Variants in FOCAD observed in about 807,000 individuals in gnomAD.
The protein encoded by FOCAD is focadhesin.
In FOCAD, 198 loss-of-function variants were observed where a neutral mutation model predicts 225.6. The ratio of observed to expected loss-of-function variants is 0.88; its 90% CI spans 0.78 to 0.99. The LOEUF is 0.99. FOCAD is among the 50% of genes least tolerant of loss of function. The pLI, the probability that FOCAD is intolerant of heterozygous loss-of-function variation, is 0.00. For synonymous variants in FOCAD, 897 were observed against 755.0 expected (o/e 1.19, Z -3.08); for missense variants, 2,713 against 2,123.6 (o/e 1.28, Z -5.46).
In FOCAD at chr9:20,782,639, A is replaced by G. The variant is rs149826162; in HGVS notation, c.1197+710A>G. 1.4e-4 allele frequency among the ~76,000 whole-genome samples: 22 copies of G among 152,352 alleles called. No homozygotes were observed. In the South Asian group the frequency reaches 2.9e-3, roughly 20 times the overall value. On this transcript the variant is annotated intron_variant, in intron 10 of 43. Coordinates refer to ENST00000338382, the MANE Select transcript of FOCAD (RefSeq NM_001375567.1). ...AGTTTTGCCTTTATCAAAATGAAAC[A>G]TTATTTCCCAGCTCCTCTTATGGGG...
intron 18 of FOCAD, among the ~76,000 whole-genome samples, chr9:20,868,557 G>A (rs572173631): frequency 6.6e-6 from 1 of 152,186 alleles, no homozygotes; most frequent in African/African-American, 2.4e-5. Flanking sequence ...TCCCTGAATA[G>A]CCATAAATAG....
intron 4 of FOCAD, among the ~76,000 whole-genome samples, chr9:20,722,817 T>G (rs7028849): frequency 0.021 from 3,235 of 152,298 alleles, 125 homozygotes; most frequent in African/African-American, 0.073. Flanking sequence ...CCTTTTTTAT[T>G]TGTGAAATGC....
chr9:20,734,958 T>C (rs1415871085), intron 4 of FOCAD, among the ~76,000 whole-genome samples: 1 of 152,152 alleles, frequency 6.6e-6, no homozygotes, highest in Non-Finnish European at 1.5e-5. Flanking sequence ...GTCTATAGGA[T>C]GGGGTCATAG....
At chr9:20,889,816 G>A (rs528064439) in intron 21 of FOCAD, among the ~76,000 whole-genome samples, 44 of 152,216 alleles carry the variant, frequency 2.9e-4, no homozygotes, top group African/African-American at 1.0e-3. Context: ...GAATTTGTAG[G>A]TCAACTTGAG....
At chr9:20,864,813 A>G (rs1343098426) in intron 16 of FOCAD, among the ~76,000 whole-genome samples, 1 of 152,176 alleles carries the variant, frequency 6.6e-6, no homozygotes, top group South Asian at 2.1e-4. Context: ...AGTCAACCCT[A>G]TTTTTGAGTA....
intron 15 of FOCAD, among the ~76,000 whole-genome samples, chr9:20,857,189 T>C (rs1266962013): frequency 6.6e-6 from 1 of 152,136 alleles, no homozygotes; most frequent in Non-Finnish European, 1.5e-5. Flanking sequence ...AATGTGGACA[T>C]TTTAACAATA....
intron 11 of FOCAD, among the ~76,000 whole-genome samples, chr9:20,808,167 G>A (rs1293518165): frequency 1.3e-5 from 2 of 152,172 alleles, no homozygotes; most frequent in Non-Finnish European, 2.9e-5. Context: ...TTTTCAAATG[G>A]GGTTTTCATG....
intron 18 of FOCAD, among the ~76,000 whole-genome samples, chr9:20,868,707 C>CA (rs1023277602): frequency 6.8e-6 from 1 of 146,908 alleles, no homozygotes; most frequent in Non-Finnish European, 1.5e-5. Flanking sequence ...TGCTTTTCAG[C>CA]TTTTTTTTTT....
intron 6 of FOCAD, among the ~76,000 whole-genome samples, chr9:20,761,231 C>T (rs879380704): frequency 6.6e-6 from 1 of 152,074 alleles, no homozygotes; most frequent in Non-Finnish European, 1.5e-5. Context: ...TGACTTTAAC[C>T]TTTCAGGAAC....
At chr9:20,910,693 A>G (rs1023219969) in intron 22 of FOCAD, among the ~76,000 whole-genome samples, 6 of 152,074 alleles carry the variant, frequency 3.9e-5, no homozygotes, top group Admixed American at 2.6e-4. Context: ...TTTCCCAAAA[A>G]TGTTAATCAG....
Position 20,990,249 on chromosome 9 carries a change from C to G in FOCAD, c.5131C>G (p.Pro1711Ala), listed in dbSNP as rs747202347. Residue 1711 changes from proline (P) to alanine (A), a missense_variant, in exon 42 of 44, where the codon CCA becomes GCA. Transcript: ENST00000338382. ...PWHQENGPAGPVPSFLGRSPM... is the reference protein window; with the variant it reads ...PWHQENGPAGAVPSFLGRSPM... ...GCATCAGGAGAATGGCCCGGCTGGG[C>G]CAGTACCAAGCTTCCTTGGCAGGAG... The G allele has an allele frequency of 6.2e-7, 1 of 1,614,150 alleles. No homozygotes were observed. Among genetic ancestry groups the G allele is most frequent in the Non-Finnish European group, 8.5e-7 (1 of 1,180,018 alleles).
chr9:20,759,316 A>T (rs1488152889), intron 6 of FOCAD, among the ~76,000 whole-genome samples: 5 of 152,196 alleles, frequency 3.3e-5, no homozygotes, highest in Non-Finnish European at 7.3e-5. Flanking sequence ...AAACTATACT[A>T]CAAGGCTACA....
At chr9:20,967,404 A>G (rs1448142783) in intron 35 of FOCAD, among the ~76,000 whole-genome samples, 1 of 152,116 alleles carries the variant, frequency 6.6e-6, no homozygotes, top group African/African-American at 2.4e-5. Flanking sequence ...TATTAACTCT[A>G]TTAGTTTTTA....
chr9:20,915,095 C>A (rs1833762098), intron 23 of FOCAD, among the ~76,000 whole-genome samples: 1 of 152,098 alleles, frequency 6.6e-6, no homozygotes, highest in South Asian at 2.1e-4. Flanking sequence ...GAATAGGAAT[C>A]AGATTTTGGA....
At chr9:20,684,757 C>A (rs1587212960) in intron 1 of FOCAD, 1 of 152,460 alleles carries the variant, frequency 6.6e-6, no homozygotes, top group Non-Finnish European at 1.5e-5. Context: ...GTGACTGTCT[C>A]CTTCTCATTC....
intron 11 of FOCAD, among the ~76,000 whole-genome samples, chr9:20,818,219 C>CT (rs937860929): frequency 7.3e-5 from 11 of 151,614 alleles, no homozygotes; most frequent in African/African-American, 1.5e-4. Flanking sequence ...ATTTTAAAAC[C>CT]TTTTTTTTGG....
At chr9:20,804,536 A>G (rs1204707908) in intron 11 of FOCAD, among the ~76,000 whole-genome samples, 1 of 151,718 alleles carries the variant, frequency 6.6e-6, no homozygotes, top group African/African-American at 2.4e-5. Context: ...CCCTGGCTGA[A>G]GCTATAGTGA....
chr9:20,722,682 A>G (rs1027373236), intron 4 of FOCAD, among the ~76,000 whole-genome samples: 1 of 152,210 alleles, frequency 6.6e-6, no homozygotes, highest in African/African-American at 2.4e-5. Flanking sequence ...ATTTTAGAAT[A>G]ATTCTATTGT....
At chr9:20,928,819 C>T (rs1051971761) in intron 26 of FOCAD, 1 of 152,208 alleles carries the variant, frequency 6.6e-6, no homozygotes, top group Non-Finnish European at 1.5e-5. Flanking sequence ...GAAGTGTTCC[C>T]ACCAAAAATT....
Sources: allele counts gnomAD v4.1 joint callset (sites outside exome capture counted in the v4.1 genomes callset), GRCh38; gene constraint gnomAD v4.1.1; transcripts MANE v1.5; gene names NCBI Gene and HGNC (gene_info 2026-07-23, HGNC 2026-07-21).